KSR1: variants seen among roughly 807,000 people sequenced by gnomAD.
The protein encoded by KSR1 is kinase suppressor of ras 1, also known as kinase suppressor of ras.
In KSR1, 35 loss-of-function variants were observed where a neutral mutation model predicts 92.9. The ratio of observed to expected loss-of-function variants is 0.38; its 90% confidence interval spans 0.29 to 0.50. The LOEUF (loss-of-function observed/expected upper bound fraction) is 0.50, where lower values mean the gene tolerates loss of function less well. Ranked by LOEUF, KSR1 falls within the 20% of genes least tolerant of loss-of-function variation. The probability of loss-of-function intolerance (pLI) is 0.94; values close to 1 mark genes in which losing one functional copy is unlikely to be tolerated. For synonymous variants in KSR1, 467 were observed against 472.6 expected, an observed-to-expected ratio of 0.99 and a Z score of 0.15; for missense variants, 972 against 1,158.5, an observed-to-expected ratio of 0.84 and a Z score of 2.34.
intron 1 of KSR1, among the ~76,000 whole-genome samples, chr17:27,479,856 C>T (rs546065956): frequency 5.9e-5 from 9 of 152,168 alleles, no homozygotes; most frequent in African/African-American, 2.2e-4. Flanking sequence ...AGAGGGGTGG[C>T]GGCACCACAC....
At chr17:27,604,844 C>T in intron 13 of KSR1, 116 bp downstream of exon 13, 1 of 996,498 alleles carries the variant, frequency 1.0e-6, no homozygotes, top group Non-Finnish European at 1.6e-6. Flanking sequence ...AAGGGCTGTC[C>T]CAGGCACCCA....
At position 27,514,562 on chromosome 17, in the gene KSR1, A is replaced by G. The variant is rs189554711; in HGVS notation, c.232-36006A>G. On this transcript the variant is annotated intron_variant, in intron 1 of 20. Coordinates refer to ENST00000644974, the MANE Select transcript of KSR1 (RefSeq NM_001394583.1). ...GTAATCCCAGCTACTCAGGAAGCTG[A>G]GGCAGGAGAATCCCTTGAACTCAGG... Among the ~76,000 whole-genome samples, 493 of 152,006 alleles carry G rather than the reference A, an allele frequency of 3.2e-3. 13 individuals carry two copies. Among genetic ancestry groups the G allele is most frequent in the Admixed American group, 0.031 (471 of 15,258 alleles).
chr17:27,542,882 GAT>G (rs1435167546), intron 1 of KSR1, among the ~76,000 whole-genome samples: 2 of 152,206 alleles, frequency 1.3e-5, no homozygotes, highest in African/African-American at 4.8e-5. Flanking sequence ...AGACTAAGAT[GAT>G]ATGATCTAGA....
At chr17:27,467,986 T>A (rs928417007) in intron 1 of KSR1, among the ~76,000 whole-genome samples, 5 of 151,766 alleles carry the variant, frequency 3.3e-5, no homozygotes, top group Non-Finnish European at 5.9e-5. Context: ...TAATTTTTCG[T>A]TTTCGTATTT....
chr17:27,624,436 G>C lies in KSR1; in HGVS notation c.*1044G>C, dbSNP rs955540081. The C allele has an allele frequency of 6.6e-6, 1 of 152,338 alleles. No individual in the cohort carries two copies. The highest frequency in any genetic ancestry group is 1.5e-5 in the Non-Finnish European group (1 of 68,172). The allele number at this position is 152,338 out of a possible 1,614,324, so 9.4% of individuals were successfully genotyped here. A position where few individuals can be genotyped will look rare whatever the true frequency, so the allele number is the denominator to read the frequency against. On this transcript the variant is annotated 3_prime_UTR_variant, in exon 21 of 21. Transcript: ENST00000644974. ...TTTCCGACTCCTCTGTCCATGCTCT[G>C]AGTTCAGCTGGGCAGTGTGTGGGCT...
chr17:27,585,971 G>A, intron 5 of KSR1: 2 of 435,748 alleles, frequency 4.6e-6, no homozygotes, highest in Non-Finnish European at 8.3e-6. Context: ...CTCTCCAGCA[G>A]GGACTCTGGC....
intron 17 of KSR1, 156 bp from the exon 18 acceptor site, chr17:27,611,338 C>T: frequency 1.2e-6 from 1 of 852,290 alleles, no homozygotes; most frequent in Non-Finnish European, 1.8e-6. Context: ...CTGGGAGGAG[C>T]CTCCAGGAGC....
intron 1 of KSR1, among the ~76,000 whole-genome samples, chr17:27,492,810 A>G (rs2068868673): frequency 6.6e-6 from 1 of 152,194 alleles, no homozygotes; most frequent in African/African-American, 2.4e-5. Context: ...CGAGTTCCCC[A>G]TGTACAAAAT....
At chr17:27,543,546 A>C (rs966412279) in intron 1 of KSR1, among the ~76,000 whole-genome samples, 4 of 152,202 alleles carry the variant, frequency 2.6e-5, no homozygotes, top group East Asian at 1.9e-4. Flanking sequence ...TATCTGCTCA[A>C]CCAGGCCCGT....
intron 1 of KSR1, among the ~76,000 whole-genome samples, chr17:27,466,819 C>T (rs892553918): frequency 2.6e-5 from 4 of 152,194 alleles, no homozygotes; most frequent in African/African-American, 4.8e-5. Flanking sequence ...ACTCTAGGTG[C>T]GCTGGAGTCG....
At chr17:27,590,767 C>A (rs536418581) in intron 6 of KSR1, 44 bp from the exon 7 acceptor site, 1 of 1,561,770 alleles carries the variant, frequency 6.4e-7, no homozygotes, top group South Asian at 1.2e-5. Flanking sequence ...TGGGCCTTGG[C>A]CTCCCAGCTG....
intron 1 of KSR1, among the ~76,000 whole-genome samples, chr17:27,463,610 G>A (rs1329156954): frequency 1.3e-5 from 2 of 152,042 alleles, no homozygotes; most frequent in Non-Finnish European, 2.9e-5. Flanking sequence ...TCTAGTTTTT[G>A]TGGTTACCTG....
chr17:27,606,520 T>C, intron 14 of KSR1, among the ~76,000 whole-genome samples: 1 of 152,238 alleles, frequency 6.6e-6, no homozygotes. Flanking sequence ...GTCTGAGGTC[T>C]ACTCTCTTCT....
intron 10 of KSR1, among the ~76,000 whole-genome samples, chr17:27,600,697 A>G (rs1239895770): frequency 1.3e-5 from 2 of 151,888 alleles, no homozygotes; most frequent in Non-Finnish European, 2.9e-5. Context: ...GAATTTTCCC[A>G]CTCCATTATA....
At position 27,456,790 on chromosome 17, in the gene KSR1, C is replaced by T. The variant is rs767439303; in HGVS notation, c.147C>T (p.Asp49=). The change falls in exon 1 of 21, where the codon GAC becomes GAT. Residue 49 remains aspartate, a synonymous_variant. Coordinates refer to ENST00000644974, the MANE Select transcript of KSR1 (RefSeq NM_001394583.1). ...QQCGQLQKLI[D]ISIGSLRGLR... ...GCGGGCAGCTCCAGAAGCTCATCGA[C>T]ATCTCCATCGGCAGCCTGCGCGGGC... 2 of 1,567,984 alleles carry T rather than the reference C, an allele frequency of 1.3e-6. No homozygotes were observed. The highest frequency in any genetic ancestry group is 1.3e-5 in the African/African-American group (1 of 74,294).
Position 27,590,835 on chromosome 17 carries a change from G to C in KSR1, c.1071G>C (p.Ser357=). 5.0e-6 allele frequency: 8 copies of C among 1,611,578 alleles called. No individual in the cohort carries two copies. Among genetic ancestry groups the C allele is most frequent in the Non-Finnish European group, 6.8e-6 (8 of 1,179,000 alleles). Residue 357 remains serine, a synonymous_variant, in exon 7 of 21, where the codon TCG becomes TCC. Transcript: ENST00000644974. ...GGTTCTCCACCAAGTCCTGGCTGTCGCAGGTCTGCCACGTGTGCCAGAAGA... is the reference window on the plus strand; with the variant it reads ...GGTTCTCCACCAAGTCCTGGCTGTCCCAGGTCTGCCACGTGTGCCAGAAGA... ...THRFSTKSWL[S]QVCHVCQKSM... is the part of the protein sequence containing the mutation.
At chr17:27,531,673 A>G (rs1042778820) in intron 1 of KSR1, among the ~76,000 whole-genome samples, 1 of 152,150 alleles carries the variant, frequency 6.6e-6, no homozygotes, top group South Asian at 2.1e-4. Context: ...AGAGCACTTC[A>G]GCATATAGCC....
In KSR1 at chr17:27,609,226, G is replaced by A. The variant is rs1160673609; in HGVS notation, c.2122G>A (p.Val708Ile). Residue 708 changes from valine (V) to isoleucine (I), a missense_variant, in exon 16 of 21, where the codon GTA becomes ATA. By Grantham distance (29) the Val-to-Ile change is conservative (BLOSUM62 3). Around this residue, in one of 5 missense-constraint regions of KSR1, gnomAD observed 260 missense variants for 375.2 expected, o/e 0.69. Transcript: ENST00000644974. ...GGGATATCTTCATGCCAAGGGCATC[G>A]TACACAAAGATCTCAAATCTAAGAA... ...GMGYLHAKGIVHKDLKSKNVF... is the reference protein window; with the variant it reads ...GMGYLHAKGIIHKDLKSKNVF... 1.1e-5 allele frequency: 18 copies of A among 1,613,816 alleles called. No individual in the cohort carries two copies. Among genetic ancestry groups the A allele is most frequent in the African/African-American group, 2.7e-5 (2 of 74,914 alleles).
chr17:27,528,185 G>A (rs919940481), intron 1 of KSR1, among the ~76,000 whole-genome samples: 10 of 152,062 alleles, frequency 6.6e-5, no homozygotes, highest in African/African-American at 2.2e-4. Flanking sequence ...TTGTTCCTTA[G>A]CCTCCTGAGT....
Sources: allele counts gnomAD v4.1 joint callset (sites outside exome capture counted in the v4.1 genomes callset), GRCh38; gene constraint gnomAD v4.1.1; regional missense constraint gnomAD v4.1.1; transcripts MANE v1.5; gene names NCBI Gene and HGNC (gene_info 2026-07-23, HGNC 2026-07-21).